INO80: variants seen among roughly 807,000 people sequenced by gnomAD.
INO80 encodes the protein chromatin-remodeling ATPase INO80.
Under a neutral mutation model 203.4 loss-of-function variants are expected in INO80, and 20 were observed. The ratio of observed to expected loss-of-function variants is 0.10; its 90% CI spans 0.07 to 0.14. The LOEUF is 0.14. INO80 is among the 10% of genes least tolerant of loss of function. INO80 has a pLI of 1.00. For synonymous variants in INO80, 726 were observed against 685.2 expected (o/e 1.06, Z -0.93); for missense variants, 1,419 against 1,914.4 (o/e 0.74, Z 4.83).
intron 12 of INO80, 90 bp downstream of exon 12, chr15:41,071,759 C>T (rs1172948125): frequency 4.1e-6 from 5 of 1,227,376 alleles, no homozygotes; most frequent in Admixed American, 1.9e-5. Context: ...CCGCGCTCAG[C>T]CAGATCTTGT....
chr15:40,982,417 G>C (rs1893865704), intron 35 of INO80, among the ~76,000 whole-genome samples: 1 of 152,182 alleles, frequency 6.6e-6, no homozygotes, highest in South Asian at 2.1e-4. Flanking sequence ...CCAAAGTGTT[G>C]GGATTACAGG....
At chr15:41,013,720 G>A (rs958903489) in intron 27 of INO80, among the ~76,000 whole-genome samples, 2 of 152,198 alleles carry the variant, frequency 1.3e-5, no homozygotes, top group East Asian at 3.8e-4. Flanking sequence ...CATTAGTGTA[G>A]TATTAAGGAA....
chr15:41,010,608 C>G (rs1252391360), intron 27 of INO80, among the ~76,000 whole-genome samples: 1 of 152,066 alleles, frequency 6.6e-6, no homozygotes. Context: ...ATGATCAGTA[C>G]TACTAAGATG....
chr15:41,035,526 T>C (rs1278926020), intron 24 of INO80, among the ~76,000 whole-genome samples: 9 of 132,242 alleles, frequency 6.8e-5, no homozygotes, highest in Non-Finnish European at 1.5e-4. Context: ...ACTACATCTC[T>C]AAAAAAAAAA....
chr15:41,086,197 G>A (rs2045561008), intron 6 of INO80, among the ~76,000 whole-genome samples: 2 of 152,078 alleles, frequency 1.3e-5, no homozygotes, highest in African/African-American at 4.8e-5. Context: ...AAATAAAAGA[G>A]AAGAAAAAGA....
chr15:41,089,740 T>C (rs2045607700), intron 5 of INO80, among the ~76,000 whole-genome samples: 1 of 139,478 alleles, frequency 7.2e-6, no homozygotes, highest in African/African-American at 2.7e-5. Flanking sequence ...TGAAACTCAA[T>C]CTCAAAAAAA....
chr15:41,098,863 T>C (rs993272045), intron 1 of INO80, among the ~76,000 whole-genome samples: 2 of 151,990 alleles, frequency 1.3e-5, no homozygotes, highest in Non-Finnish European at 2.9e-5. Context: ...CCAACAAAGA[T>C]GTATGACTAG....
intron 5 of INO80, 141 bp from the exon 6 acceptor site, chr15:41,087,823 A>C (rs2140645242): frequency 1.3e-6 from 1 of 744,444 alleles, no homozygotes; most frequent in South Asian, 2.8e-5. Flanking sequence ...AACATCTAGT[A>C]TATCTAAGGG....
intron 28 of INO80, among the ~76,000 whole-genome samples, chr15:41,003,801 C>T (rs2043999461): frequency 6.6e-6 from 1 of 152,082 alleles, no homozygotes; most frequent in Non-Finnish European, 1.5e-5. Flanking sequence ...AGGTGAAATA[C>T]CTATTACTTA....
chr15:41,063,108 G>GGCAGGTA (rs2045142654), intron 14 of INO80, among the ~76,000 whole-genome samples: 1 of 151,822 alleles, frequency 6.6e-6, no homozygotes, highest in Non-Finnish European at 1.5e-5. Flanking sequence ...AAGCTAAGGT[G>GGCAGGTA]GGCAGATTAC....
chr15:41,075,612 GC>G (rs2045391274), intron 9 of INO80, among the ~76,000 whole-genome samples: 1 of 152,030 alleles, frequency 6.6e-6, no homozygotes, highest in South Asian at 2.1e-4. Flanking sequence ...CTGCCAACAT[GC>G]CCGGCTAATT....
chr15:41,100,234 C>T (rs2045788098), intron 1 of INO80, among the ~76,000 whole-genome samples: 1 of 152,002 alleles, frequency 6.6e-6, no homozygotes, highest in African/African-American at 2.4e-5. Flanking sequence ...GCCACCACGC[C>T]AGGCTAACTT....
intron 5 of INO80, 55 bp downstream of exon 5, chr15:41,091,972 A>C: frequency 6.9e-7 from 1 of 1,452,088 alleles, no homozygotes. Flanking sequence ...ATCTTTAATG[A>C]CTATAAAGCA....
At position 41,099,237 on chromosome 15, in the gene INO80, C is replaced by CAAAAAAAAAAAAAAAAAAAAA. The variant is rs71104771; in HGVS notation, c.-43-2905_-43-2885dup. Reference sequence around the variant, plus strand: ...TCCAGCCTGGAGTAAGACCCTGTCTCAAAAAAAAAAAAAAAAAAAAAAAAA... The same window carrying CAAAAAAAAAAAAAAAAAAAAA: ...TCCAGCCTGGAGTAAGACCCTGTCTCAAAAAAAAAAAAAAAAAAAAAAAAAAAAAAAAAAAAAAAAAAAAAA... On this transcript the variant is annotated intron_variant, in intron 1 of 35. Transcript: ENST00000648947. Among the ~76,000 whole-genome samples the CAAAAAAAAAAAAAAAAAAAAA allele has an allele frequency of 9.5e-5, 2 of 21,076 alleles. 1 individual carries two copies. 13.8% of individuals were successfully genotyped at this position (21,076 alleles called of 152,430 possible).
chr15:41,099,269 A>AC (rs1491177669), intron 1 of INO80, among the ~76,000 whole-genome samples: 9 of 111,844 alleles, frequency 8.0e-5, no homozygotes, highest in African/African-American at 3.0e-4. Flanking sequence ...AAAAAAAAAC[A>AC]AACACACACA....
intron 27 of INO80, 103 bp downstream of exon 27, chr15:41,015,985 G>GT: frequency 1.1e-6 from 1 of 881,490 alleles, no homozygotes; most frequent in Non-Finnish European, 1.7e-6. Context: ...ACAAAAGGGA[G>GT]TTTTGGGGCT....
chr15:41,063,972 AG>A (rs1241775482), intron 14 of INO80, among the ~76,000 whole-genome samples: 1 of 152,238 alleles, frequency 6.6e-6, no homozygotes, highest in Admixed American at 6.5e-5. Context: ...TCAGTTCACC[AG>A]GAAGAGTATA....
intron 24 of INO80, among the ~76,000 whole-genome samples, chr15:41,042,875 G>A (rs1013726825): frequency 1.3e-5 from 2 of 152,194 alleles, no homozygotes; most frequent in Non-Finnish European, 2.9e-5. Context: ...AGGATGATGA[G>A]ATTGAAAGCA....
intron 27 of INO80, among the ~76,000 whole-genome samples, chr15:41,007,181 T>TC (rs1491209555): frequency 8.7e-6 from 1 of 114,542 alleles, no homozygotes; most frequent in Non-Finnish European, 1.8e-5. Flanking sequence ...TTTTTTTTTT[T>TC]CTTTTTTTTT....
Sources: allele counts gnomAD v4.1 joint callset (sites outside exome capture counted in the v4.1 genomes callset), GRCh38; gene constraint gnomAD v4.1.1; transcripts MANE v1.5; gene names NCBI Gene and HGNC (gene_info 2026-07-23, HGNC 2026-07-21).